COL5A2: variants seen among roughly 807,000 people sequenced by gnomAD.
COL5A2 encodes the protein collagen alpha-2(V) chain.
Under a neutral mutation model 208.2 loss-of-function variants are expected in COL5A2, and 23 were observed. The ratio of observed to expected loss-of-function variants is 0.11; its 90% CI spans 0.08 to 0.16. The LOEUF is 0.16. Ranked by LOEUF, COL5A2 falls within the 10% of genes least tolerant of loss-of-function variation. The pLI is 1.00. For synonymous variants in COL5A2, 625 were observed against 628.5 expected (o/e 0.99, Z 0.08); for missense variants, 1,590 against 1,956.4 (o/e 0.81, Z 3.53).
In COL5A2 at chr2:189,050,554, G is replaced by A. The variant is rs114619770; in HGVS notation, c.3039+15C>T. ...GCACATATGAGATAAAATATTGACC[G>A]ATGCAGCTACTCACCGCTGGGCCTG... is the stretch of plus-strand genomic sequence containing the variant. On this transcript the variant is annotated intron_variant, in intron 43 of 53. Transcript: ENST00000374866. 357 of 1,532,876 alleles carry A rather than the reference G, an allele frequency of 2.3e-4. 1 individual carries two copies. In the African/African-American group the frequency reaches 4.3e-3, roughly 18 times the overall value. The allele number at this position is 1,532,876 out of a possible 1,614,324, so 95.0% of individuals were successfully genotyped here. A position where few individuals can be genotyped will look rare whatever the true frequency, so the allele number is the denominator to read the frequency against.
At chr2:189,280,304 G>A in the COL5A2 span, among the ~76,000 whole-genome samples, 9 of 151,960 alleles carry the variant, frequency 5.9e-5, no homozygotes, top group Admixed American at 1.3e-4. Flanking sequence ...TTCATGATCC[G>A]TGTGCTTTCC....
the COL5A2 span, among the ~76,000 whole-genome samples, chr2:189,271,361 A>G: frequency 5.3e-5 from 8 of 152,156 alleles, no homozygotes; most frequent in Non-Finnish European, 8.8e-5. Context: ...CCACACATCT[A>G]CAACCATCTG....
At chr2:189,150,202 A>G (rs928828927) in intron 1 of COL5A2, among the ~76,000 whole-genome samples, 4 of 152,212 alleles carry the variant, frequency 2.6e-5, no homozygotes, top group Non-Finnish European at 5.9e-5. Context: ...AATGAAAGCA[A>G]GCAATTGTGC....
chr2:189,243,003 T>A, the COL5A2 span, among the ~76,000 whole-genome samples: 1 of 152,054 alleles, frequency 6.6e-6, no homozygotes, highest in Non-Finnish European at 1.5e-5. Flanking sequence ...ACTATTTTGA[T>A]GGGTTGGATG....
At chr2:189,431,232 G>A in the COL5A2 span, among the ~76,000 whole-genome samples, 1 of 152,148 alleles carries the variant, frequency 6.6e-6, no homozygotes, top group Non-Finnish European at 1.5e-5. Flanking sequence ...CAAAAAGATG[G>A]GGAGAAACAA....
Position 189,058,892 on chromosome 2 carries a change from C to A in COL5A2, c.2087G>T (p.Gly696Val). The change falls in exon 32 of 54, where the codon GGT (glycine) becomes GTT (valine). Residue 696 changes from glycine to valine, a missense_variant and splice_region_variant. Physicochemically the swap from Gly to Val is moderately radical, Grantham distance 109. Coordinates refer to ENST00000374866, the MANE Select transcript of COL5A2 (RefSeq NM_000393.5). The part of the protein sequence containing the change: ...PGEGGKPGDQ[G>V]VPGDPGAVGP... ...AACTGCTCCGGGATCTCCAGGAACACCCTATAAACACATTTTTTTTTTTTA... is the reference window on the plus strand; with the variant it reads ...AACTGCTCCGGGATCTCCAGGAACAACCTATAAACACATTTTTTTTTTTTA... 1.3e-6 allele frequency: 2 copies of A among 1,558,118 alleles called. No individual in the cohort carries two copies. Among genetic ancestry groups the A allele is most frequent in the Non-Finnish European group, 1.7e-6 (2 of 1,156,120 alleles).
intron 1 of COL5A2, among the ~76,000 whole-genome samples, chr2:189,117,439 T>C (rs1188257660): frequency 6.6e-6 from 1 of 152,164 alleles, no homozygotes; most frequent in African/African-American, 2.4e-5. Context: ...ATGCCAAATG[T>C]GTCTGCCTAC....
At chr2:189,087,024 T>C (rs1430241881) in intron 8 of COL5A2, among the ~76,000 whole-genome samples, 5 of 152,206 alleles carry the variant, frequency 3.3e-5, no homozygotes, top group African/African-American at 4.8e-5. Flanking sequence ...ACACACCCAA[T>C]GTCTTTAGAA....
intron 1 of COL5A2, among the ~76,000 whole-genome samples, chr2:189,172,853 T>TA (rs1239090427): frequency 2.9e-4 from 40 of 138,136 alleles, no homozygotes; most frequent in Admixed American, 2.9e-4. Flanking sequence ...ATCCTAAACT[T>TA]AAAAAAAAAA....
At chr2:189,083,370 G>T (rs1686579340) in intron 12 of COL5A2, among the ~76,000 whole-genome samples, 1 of 152,102 alleles carries the variant, frequency 6.6e-6, no homozygotes, top group Admixed American at 6.6e-5. Flanking sequence ...CTTTTAGGGA[G>T]CCAAAGGGGA....
At position 189,041,642 on chromosome 2, in the gene COL5A2, G is replaced by A. The variant is rs757360578; in HGVS notation, c.3577C>T (p.Leu1193Phe). 1 of 1,614,136 alleles carries A rather than the reference G, an allele frequency of 6.2e-7. No homozygotes were observed. Among genetic ancestry groups the A allele is most frequent in the South Asian group, 1.1e-5 (1 of 91,086 alleles). The change falls in exon 50 of 54, where the codon CTT (leucine) becomes TTT (phenylalanine). Residue 1193 changes from leucine (L) to phenylalanine (F), a missense_variant. Leu to Phe is a conservative substitution (Grantham distance 22). Coordinates refer to ENST00000374866, the MANE Select transcript of COL5A2 (RefSeq NM_000393.5). ...PSGKEGNPGP[L>F]GPIGPPGVRG... ...ACACCTGGAGGTCCAATTGGCCCAA[G>A]TGGCCCAGGGTTTCCTTCTTTACCT... is the stretch of plus-strand genomic sequence containing the variant.
the COL5A2 span, among the ~76,000 whole-genome samples, chr2:189,345,306 G>A: frequency 2.0e-5 from 3 of 152,320 alleles, no homozygotes; most frequent in East Asian, 5.8e-4. Flanking sequence ...ATATGTGGAT[G>A]CAGCAGCTTT....
chr2:189,400,528 C>T, the COL5A2 span, among the ~76,000 whole-genome samples: 6 of 152,192 alleles, frequency 3.9e-5, no homozygotes, highest in Admixed American at 2.0e-4. Context: ...TCCTCCTTGA[C>T]GACTAATTAG....
At chr2:189,055,125 C>A (rs190449425) in intron 35 of COL5A2, among the ~76,000 whole-genome samples, 5 of 152,086 alleles carry the variant, frequency 3.3e-5, no homozygotes, top group Non-Finnish European at 7.4e-5. Flanking sequence ...CCTCATGATC[C>A]GCCCACCTCA....
At chr2:189,356,839 T>C in the COL5A2 span, among the ~76,000 whole-genome samples, 1 of 152,228 alleles carries the variant, frequency 6.6e-6, no homozygotes, top group Non-Finnish European at 1.5e-5. Flanking sequence ...ATTTTCAGCC[T>C]TTTTGCACTG....
At chr2:189,437,086 C>A in the COL5A2 span, among the ~76,000 whole-genome samples, 1 of 152,012 alleles carries the variant, frequency 6.6e-6, no homozygotes, top group Non-Finnish European at 1.5e-5. Flanking sequence ...CACTGTGTTC[C>A]AAGATCAGCG....
chr2:189,085,749 A>G lies in COL5A2; in HGVS notation c.714T>C (p.Pro238=). The change falls in exon 10 of 54, where the codon CCT becomes CCC. Residue 238 remains proline (P), a synonymous_variant. Coordinates refer to ENST00000374866, the MANE Select transcript of COL5A2 (RefSeq NM_000393.5). ...GQQGGAGPTG[P]PGEPGDPGPM... Reference sequence around the variant, plus strand: ...GTCCAGGATCACCAGGTTCACCAGGAGGTCCTGTAGGTCCTGCACCACCCT... The same window carrying G: ...GTCCAGGATCACCAGGTTCACCAGGGGGTCCTGTAGGTCCTGCACCACCCT... The G allele has an allele frequency of 6.2e-7, 1 of 1,613,474 alleles. No individual in the cohort carries two copies. The highest frequency in any genetic ancestry group is 8.5e-7 in the Non-Finnish European group (1 of 1,179,470).
At chr2:189,319,551 C>T in the COL5A2 span, among the ~76,000 whole-genome samples, 3 of 152,224 alleles carry the variant, frequency 2.0e-5, no homozygotes, top group East Asian at 3.8e-4. Flanking sequence ...CCCACGCCCA[C>T]GGAGCCTTGC....
the COL5A2 span, among the ~76,000 whole-genome samples, chr2:189,277,920 G>T: frequency 6.6e-6 from 1 of 151,992 alleles, no homozygotes; most frequent in South Asian, 2.1e-4. Flanking sequence ...TTTTTCCTGG[G>T]TGGGAACAAG....
Sources: gnomAD v4.1 joint callset for allele counts (sites outside exome capture counted in the v4.1 genomes callset) on GRCh38, gnomAD v4.1.1 for gene constraint, MANE v1.5 for transcripts, NCBI Gene and HGNC (gene_info 2026-07-23, HGNC 2026-07-21) for gene names.